Variants in CAMK2D observed in about 807,000 individuals in gnomAD.
CAMK2D encodes calcium/calmodulin dependent protein kinase II delta.
Under a neutral mutation model 84.0 loss-of-function variants are expected in CAMK2D, and 37 were observed. The ratio of observed to expected loss-of-function variants is 0.44; its 90% CI spans 0.34 to 0.58. CAMK2D has a LOEUF of 0.58. CAMK2D is among the 20% of genes least tolerant of loss of function. The pLI is 0.02. For synonymous variants in CAMK2D, 202 were observed against 212.5 expected (o/e 0.95, Z 0.43); for missense variants, 448 against 652.5 (o/e 0.69, Z 3.41).
chr4:113,489,556 G>A (rs1278193709), intron 16 of CAMK2D, among the ~76,000 whole-genome samples: 3 of 149,948 alleles, frequency 2.0e-5, no homozygotes, highest in African/African-American at 7.4e-5. Flanking sequence ...GGACATTTGG[G>A]TTGGTTCCAA....
At chr4:113,754,665 T>G in intron 2 of CAMK2D, 1 of 973,580 alleles carries the variant, frequency 1.0e-6, no homozygotes, top group Non-Finnish European at 1.2e-6. Flanking sequence ...TATTATTTCC[T>G]GGAAGTGTGG....
intron 5 of CAMK2D, 104 bp from the exon 6 acceptor site, chr4:113,547,820 G>T: frequency 1.6e-6 from 1 of 611,878 alleles, no homozygotes; most frequent in South Asian, 2.4e-5. Flanking sequence ...CAGACAACTG[G>T]GGTTGTATTG....
intron 13 of CAMK2D, among the ~76,000 whole-genome samples, chr4:113,506,696 G>GTATT (rs1358816744): frequency 6.6e-6 from 1 of 152,106 alleles, no homozygotes; most frequent in African/African-American, 2.4e-5. Flanking sequence ...AGCACCACAT[G>GTATT]TATTTAATAT....
intron 16 of CAMK2D, among the ~76,000 whole-genome samples, chr4:113,491,568 C>T (rs201645933): frequency 0.061 from 9,263 of 151,902 alleles, 559 homozygotes; most frequent in East Asian, 0.21. Context: ...AGGATTTTTG[C>T]ATCAATGTTC....
At chr4:113,479,860 AC>A (rs1362002031) in intron 16 of CAMK2D, among the ~76,000 whole-genome samples, 4 of 152,332 alleles carry the variant, frequency 2.6e-5, no homozygotes, top group South Asian at 4.1e-4. Flanking sequence ...AGATTGTATC[AC>A]TATTCAACAT....
intron 2 of CAMK2D, among the ~76,000 whole-genome samples, chr4:113,698,253 A>G (rs1261618222): frequency 6.6e-6 from 1 of 152,114 alleles, no homozygotes; most frequent in Non-Finnish European, 1.5e-5. Context: ...TCACTTTTGC[A>G]CCATAATAAA....
chr4:113,743,990 G>A (rs752300408), intron 2 of CAMK2D, among the ~76,000 whole-genome samples: 29 of 151,928 alleles, frequency 1.9e-4, no homozygotes, highest in Non-Finnish European at 3.5e-4. Flanking sequence ...ACAGGGGCCC[G>A]CCACCACACC....
chr4:113,680,756 C>A lies in CAMK2D; in HGVS notation c.161-18984G>T, dbSNP rs115982119. Among the ~76,000 whole-genome samples the A allele has an allele frequency of 4.9e-3, 750 of 152,246 alleles. 3 individuals carry two copies. The highest frequency in any genetic ancestry group is 0.017 in the African/African-American group (707 of 41,524). On this transcript the variant is annotated intron_variant, in intron 2 of 20. Coordinates refer to ENST00000511664, the MANE Select transcript of CAMK2D (RefSeq NM_001321571.2). ...TGTTATGGAAAAACCTGTCCTTGGC[C>A]TGAATGTGGGTGACTCCCATTAGGA...
intron 7 of CAMK2D, among the ~76,000 whole-genome samples, chr4:113,533,661 CT>C (rs141396283): frequency 1.9e-4 from 29 of 149,146 alleles, no homozygotes; most frequent in Non-Finnish European, 2.7e-4. Context: ...TGGTAGTTAT[CT>C]TTTTTTTTTC....
intron 2 of CAMK2D, among the ~76,000 whole-genome samples, chr4:113,719,359 C>G (rs1469143343): frequency 1.3e-5 from 2 of 152,138 alleles, no homozygotes; most frequent in Non-Finnish European, 2.9e-5. Flanking sequence ...CTGAAGTAAC[C>G]TGATATTAAC....
chr4:113,488,796 T>A (rs2097791116), intron 16 of CAMK2D, among the ~76,000 whole-genome samples: 1 of 152,172 alleles, frequency 6.6e-6, no homozygotes, highest in Non-Finnish European at 1.5e-5. Context: ...GTTTTCCTAA[T>A]GTTAAAATGA....
At chr4:113,654,724 T>C (rs1247342038) in intron 3 of CAMK2D, among the ~76,000 whole-genome samples, 1 of 152,120 alleles carries the variant, frequency 6.6e-6, no homozygotes, top group East Asian at 1.9e-4. Context: ...AACTGTGACT[T>C]TGGACAAATC....
intron 6 of CAMK2D, among the ~76,000 whole-genome samples, chr4:113,541,139 G>A (rs2098527367): frequency 6.6e-6 from 1 of 152,274 alleles, no homozygotes; most frequent in East Asian, 1.9e-4. Flanking sequence ...AAAGTACATA[G>A]GCAGGTTGAT....
intron 2 of CAMK2D, among the ~76,000 whole-genome samples, chr4:113,731,258 C>T (rs924897059): frequency 6.6e-6 from 1 of 152,054 alleles, no homozygotes; most frequent in Non-Finnish European, 1.5e-5. Flanking sequence ...GGTCAATGAC[C>T]GCAGGCCATT....
intron 3 of CAMK2D, among the ~76,000 whole-genome samples, chr4:113,651,948 T>C (rs7694240): frequency 0.31 from 47,541 of 152,080 alleles, 9,378 homozygotes; most frequent in African/African-American, 0.56. Flanking sequence ...TGAATAATAA[T>C]GTCATGCTAA....
At chr4:113,666,761 C>T (rs561237992) in intron 2 of CAMK2D, among the ~76,000 whole-genome samples, 96 of 152,234 alleles carry the variant, frequency 6.3e-4, no homozygotes, top group Non-Finnish European at 1.1e-3. Context: ...GAGGAGTTGC[C>T]CATGGGAGCA....
At chr4:113,606,933 A>G (rs2098980199) in intron 4 of CAMK2D, among the ~76,000 whole-genome samples, 1 of 152,176 alleles carries the variant, frequency 6.6e-6, no homozygotes, top group Non-Finnish European at 1.5e-5. Flanking sequence ...TAGGGGAAAA[A>G]CAATTAGAAT....
chr4:113,457,371 T>A lies in CAMK2D; in HGVS notation c.1499A>T (p.His500Leu). The part of the protein sequence containing the change: ...HRRDGKWQNV[H>L]FHRSGSPTVP... ...TGTTGGTGACCCCGAGCGATGAAAA[T>A]GAACATTCTGCCACTTTCCATCCCG... The change falls in exon 19 of 21, where the codon CAT becomes CTT. Residue 500 changes from histidine (H) to leucine (L), a missense_variant. Transcript: ENST00000511664. The A allele has an allele frequency of 1.2e-6, 2 of 1,613,734 alleles. No individual in the cohort carries two copies. The highest frequency in any genetic ancestry group is 1.7e-6 in the Non-Finnish European group (2 of 1,179,756).
chr4:113,600,076 C>T (rs575232898), intron 4 of CAMK2D, among the ~76,000 whole-genome samples: 22 of 152,216 alleles, frequency 1.4e-4, no homozygotes, highest in Middle Eastern at 6.8e-3. Flanking sequence ...ATATGATATT[C>T]TGGAAAAGGT....
Sources: gnomAD v4.1 joint callset for allele counts (sites outside exome capture counted in the v4.1 genomes callset) on GRCh38, gnomAD v4.1.1 for gene constraint, MANE v1.5 for transcripts, NCBI Gene and HGNC (gene_info 2026-07-23, HGNC 2026-07-21) for gene names.